UBAP2L: variants seen among roughly 807,000 people sequenced by gnomAD.
UBAP2L encodes the protein ubiquitin-associated protein 2-like.
In UBAP2L, 12 loss-of-function variants were observed where a neutral mutation model predicts 130.6. The observed-to-expected ratio is 0.09, with a 90% CI of 0.06 to 0.15. The LOEUF is 0.15. Among genes scored for constraint, UBAP2L ranks in the 10% least tolerant of loss-of-function variants. The probability of loss-of-function intolerance (pLI) is 1.00; values close to 1 mark genes in which losing one functional copy is unlikely to be tolerated. For synonymous variants in UBAP2L, 503 were observed against 524.7 expected, an observed-to-expected ratio of 0.96 and a Z score of 0.57; for missense variants, 965 against 1,332.5, an observed-to-expected ratio of 0.72 and a Z score of 4.29.
chr1:154,248,884 A>G (rs1380128670), intron 11 of UBAP2L, among the ~76,000 whole-genome samples: 1 of 152,224 alleles, frequency 6.6e-6, no homozygotes, highest in South Asian at 2.1e-4. Flanking sequence ...GGGAGAAGGA[A>G]GTAATGATGA....
intron 6 of UBAP2L, 54 bp from the exon 7 acceptor site, chr1:154,236,512 T>C (rs1293121615): frequency 1.3e-6 from 2 of 1,598,958 alleles, no homozygotes; most frequent in Non-Finnish European, 1.7e-6. Flanking sequence ...CAAGGAAGTT[T>C]TATATCAACT....
intron 25 of UBAP2L, among the ~76,000 whole-genome samples, chr1:154,267,604 C>T (rs1180348686): frequency 6.6e-6 from 1 of 150,414 alleles, no homozygotes; most frequent in Non-Finnish European, 1.5e-5. Context: ...TATAGGTGTA[C>T]ACCACCAGGC....
intron 4 of UBAP2L, among the ~76,000 whole-genome samples, chr1:154,229,190 C>T (rs1477430292): frequency 6.6e-6 from 1 of 152,048 alleles, no homozygotes; most frequent in Non-Finnish European, 1.5e-5. Flanking sequence ...GCATTGCACA[C>T]TACTGTTTCA....
In UBAP2L at chr1:154,270,759, GTTTTT is replaced by G; in HGVS notation, c.*470_*474del. The G allele has an allele frequency of 1.8e-6, 2 of 1,138,610 alleles. No homozygotes were observed. The highest frequency in any genetic ancestry group is 2.2e-6 in the Non-Finnish European group (2 of 892,292). The allele number at this position is 1,138,610 out of a possible 1,614,324, so 70.5% of individuals were successfully genotyped here. A position where few individuals can be genotyped will look rare whatever the true frequency, so the allele number is the denominator to read the frequency against. ...ATTGTCAGATGAATTAGTTGAAGTG[GTTTTT>G]TTTTTGTTTTTTTTTTTTTTTTGTA... On this transcript the variant is annotated 3_prime_UTR_variant, in exon 27 of 27. Transcript: ENST00000428931.
rs528149234 is a variant in UBAP2L at position 154,246,714 on chromosome 1, T to C, written c.1014+339T>C. 3.3e-5 allele frequency among the ~76,000 whole-genome samples: 5 copies of C among 152,364 alleles called. 1 individual carries two copies. In the East Asian group the frequency reaches 9.6e-4, roughly 29 times the overall value. ...AATCCTTTTGCAGCCCTCATTAAAC[T>C]ATGATGGGAGATTGTAGCAGTTCCC... On this transcript the variant is annotated intron_variant, in intron 11 of 26. Coordinates refer to ENST00000428931, the MANE Select transcript of UBAP2L (RefSeq NM_014847.4).
chr1:154,230,455 T>C (rs1359020131), intron 4 of UBAP2L, among the ~76,000 whole-genome samples: 12 of 152,244 alleles, frequency 7.9e-5, no homozygotes, highest in Non-Finnish European at 4.4e-5. Flanking sequence ...AAAAGTGTTA[T>C]CCTGGATTAA....
rs763626427 is a variant in UBAP2L at position 154,257,173 on chromosome 1, C to T, written c.2268C>T (p.Leu756=). 1 of 1,614,224 alleles carries T rather than the reference C, an allele frequency of 6.2e-7. No homozygotes were observed. Among genetic ancestry groups the T allele is most frequent in the South Asian group, 1.1e-5 (1 of 91,080 alleles). The part of the protein sequence containing the change: ...PPPVVSVSSS[L]NSGSSLGLSL... The stretch of plus-strand genomic sequence containing the variant: ...CAGTGGTCAGTGTCTCCTCCAGTCT[C>T]AATAGTGGCAGTAGCCTGGGCCTCA... Residue 756 remains leucine (L), a synonymous_variant, in exon 19 of 27, where the codon CTC becomes CTT. Coordinates refer to ENST00000428931, the MANE Select transcript of UBAP2L (RefSeq NM_014847.4).
chr1:154,223,730 C>A (rs986799433), intron 1 of UBAP2L, among the ~76,000 whole-genome samples: 1 of 152,140 alleles, frequency 6.6e-6, no homozygotes, highest in Non-Finnish European at 1.5e-5. Flanking sequence ...AACCTATTGA[C>A]GCAACTTGGT....
chr1:154,229,318 C>T (rs78928306), intron 4 of UBAP2L, among the ~76,000 whole-genome samples: 5,254 of 152,058 alleles, frequency 0.035, 311 homozygotes, highest in African/African-American at 0.12. Flanking sequence ...TTAGACAAGT[C>T]GCTTTCACTT....
At chr1:154,243,965 A>G (rs944694489) in intron 10 of UBAP2L, among the ~76,000 whole-genome samples, 2 of 152,154 alleles carry the variant, frequency 1.3e-5, no homozygotes, top group African/African-American at 4.8e-5. Flanking sequence ...TTATTTCTGA[A>G]TCTTTTAGAA....
chr1:154,249,367 G>A lies in UBAP2L; in HGVS notation c.1143G>A (p.Gln381=). 2 of 1,614,180 alleles carry A rather than the reference G, an allele frequency of 1.2e-6. No individual in the cohort carries two copies. Among genetic ancestry groups the A allele is most frequent in the Non-Finnish European group, 1.7e-6 (2 of 1,180,040 alleles). The change falls in exon 12 of 27, where the codon CAG becomes CAA. Residue 381 remains glutamine (Q), a synonymous_variant. Coordinates refer to ENST00000428931, the MANE Select transcript of UBAP2L (RefSeq NM_014847.4). ...CTCAGTTGGCAGCTCAGCATTCTCA[G>A]TCTGGAAGCACCACCACCTCCTCTT... ...ALAQLAAQHS[Q]SGSTTTSSWD...
chr1:154,261,678 G>A lies in UBAP2L; in HGVS notation c.2883G>A (p.Gly961=). 2 of 1,614,146 alleles carry A rather than the reference G, an allele frequency of 1.2e-6. No homozygotes were observed. The highest frequency in any genetic ancestry group is 1.7e-6 in the Non-Finnish European group (2 of 1,180,014). ...ATPFQQPSGY[G]SHGYNTGVSV... ...CTTTCCAACAGCCGAGTGGATATGG[G>A]TCTCATGGATACAACACTGGTAAGC... Residue 961 remains glycine (G), a synonymous_variant, in exon 24 of 27, where the codon GGG becomes GGA. Transcript: ENST00000428931.
intron 26 of UBAP2L, 79 bp downstream of exon 26, chr1:154,269,033 A>T: frequency 6.7e-7 from 1 of 1,491,968 alleles, no homozygotes; most frequent in East Asian, 2.3e-5. Flanking sequence ...TCCTTTTCTT[A>T]CCCTTCCTCA....
intron 25 of UBAP2L, among the ~76,000 whole-genome samples, chr1:154,267,507 CTTT>C (rs36052787): frequency 5.0e-5 from 6 of 120,624 alleles, no homozygotes; most frequent in Admixed American, 8.3e-5. Flanking sequence ...ATTGGTTTGC[CTTT>C]TTTTTTTTTT....
At chr1:154,225,580 C>G (rs1468665841) in intron 2 of UBAP2L, among the ~76,000 whole-genome samples, 2 of 152,094 alleles carry the variant, frequency 1.3e-5, no homozygotes, top group Non-Finnish European at 2.9e-5. Context: ...AGTGATCCTC[C>G]CGCCTCAGCC....
intron 4 of UBAP2L, among the ~76,000 whole-genome samples, chr1:154,231,459 C>T (rs1000513497): frequency 6.6e-6 from 1 of 151,992 alleles, no homozygotes; most frequent in African/African-American, 2.4e-5. Context: ...TGCCACCACA[C>T]CTGGCTGATT....
Position 154,266,791 on chromosome 1 carries a change from C to G in UBAP2L, c.2970+223C>G, listed in dbSNP as rs756027930. ...CGAGAAACGTAATAGGAAGGTAAAG[C>G]GTGGCAAATTGTTTATCGTGTCATG... is the stretch of plus-strand genomic sequence containing the variant. On this transcript the variant is annotated intron_variant, in intron 25 of 26. Transcript: ENST00000428931. 6.4e-4 allele frequency among the ~76,000 whole-genome samples: 97 copies of G among 151,870 alleles called. 1 individual carries two copies. Among genetic ancestry groups the G allele is most frequent in the Non-Finnish European group, 1.8e-4 (12 of 68,034 alleles).
intron 2 of UBAP2L, among the ~76,000 whole-genome samples, chr1:154,226,831 C>CT (rs1277288263): frequency 9.2e-5 from 14 of 151,452 alleles, no homozygotes; most frequent in South Asian, 6.3e-4. Context: ...ATTTAAGCAT[C>CT]TTTTTTTTTG....
rs573125592 is a variant in UBAP2L at position 154,270,265 on chromosome 1, C to T, written c.3234C>T (p.Ala1078=). 6.2e-6 allele frequency: 10 copies of T among 1,613,926 alleles called. No homozygotes were observed. In the African/African-American group the frequency reaches 8.0e-5, roughly 13 times the overall value. The change falls in exon 27 of 27, where the codon GCC becomes GCT. Residue 1078 remains alanine (A), a synonymous_variant. Coordinates refer to ENST00000428931, the MANE Select transcript of UBAP2L (RefSeq NM_014847.4). ...AGAAGCCCCAGACCAACAAGTCTGC[C>T]TACAACAGCTACAGCTGGGGGGCCA... ...IPQKPQTNKS[A]YNSYSWGAN is the part of the protein sequence containing the mutation.
Sources: gnomAD v4.1 joint callset for allele counts (sites outside exome capture counted in the v4.1 genomes callset) on GRCh38, gnomAD v4.1.1 for gene constraint, MANE v1.5 for transcripts, NCBI Gene and HGNC (gene_info 2026-07-23, HGNC 2026-07-21) for gene names.